The following SLIT2 variants were observed in gnomAD, a reference collection of about 807,000 sequenced individuals.
SLIT2 encodes slit guidance ligand 2.
SLIT2 carries 41 observed loss-of-function variants against 185.7 expected under a neutral mutation model. The ratio of observed to expected loss-of-function variants is 0.22; its 90% CI spans 0.17 to 0.29. SLIT2 has a LOEUF of 0.29. Among genes scored for constraint, SLIT2 ranks in the 10% least tolerant of loss-of-function variants. The pLI, the probability that SLIT2 is intolerant of heterozygous loss-of-function variation, is 1.00. For synonymous variants in SLIT2, 693 were observed against 680.2 expected (o/e 1.02, Z -0.29); for missense variants, 1,571 against 1,909.0 (o/e 0.82, Z 3.30).
chr4:20,607,784 G>T (rs1449536398), intron 33 of SLIT2, among the ~76,000 whole-genome samples: 1 of 152,086 alleles, frequency 6.6e-6, no homozygotes, highest in Non-Finnish European at 1.5e-5. Context: ...ATTTTAAAGA[G>T]AAATGGGGGG....
At chr4:20,421,984 G>A (rs1177517984) in intron 4 of SLIT2, among the ~76,000 whole-genome samples, 5 of 152,108 alleles carry the variant, frequency 3.3e-5, no homozygotes, top group Non-Finnish European at 7.4e-5. Context: ...ATGCATGGAC[G>A]GAACACCTCC....
intron 5 of SLIT2, among the ~76,000 whole-genome samples, chr4:20,475,611 G>A (rs1032292711): frequency 1.1e-4 from 16 of 152,034 alleles, no homozygotes; most frequent in Non-Finnish European, 2.1e-4. Flanking sequence ...CTCAAAATCC[G>A]GATGATGCTA....
Position 20,519,445 on chromosome 4 carries a change from A to C in SLIT2, c.1122A>C (p.Leu374Phe). 6.4e-7 allele frequency: 1 copy of C among 1,566,946 alleles called. No homozygotes were observed. Among genetic ancestry groups the C allele is most frequent in the Non-Finnish European group, 8.8e-7 (1 of 1,137,874 alleles). Residue 374 changes from leucine (L) to phenylalanine (F), a missense_variant, in exon 12 of 37, where the codon TTA becomes TTC. Physicochemically the swap from Leu to Phe is conservative, Grantham distance 22. This residue lies in a region of SLIT2 where 1,202 missense variants were observed against 1,416.4 expected (regional missense o/e 0.85). Transcript: ENST00000504154. ...GTTTATTTGAAGGACTGTTTTCCTTACAGCTCCTGTAAGTATTTGATTGTT... is the reference window on the plus strand; with the variant it reads ...GTTTATTTGAAGGACTGTTTTCCTTCCAGCTCCTGTAAGTATTTGATTGTT... Reference protein sequence around the residue: ...PKSLFEGLFSLQLLLLNANKI... With the variant: ...PKSLFEGLFSFQLLLLNANKI...
At chr4:20,608,351 A>G (rs1728948154) in intron 33 of SLIT2, among the ~76,000 whole-genome samples, 1 of 152,176 alleles carries the variant, frequency 6.6e-6, no homozygotes, top group South Asian at 2.1e-4. Context: ...ATGCTTAACC[A>G]TTAGCCAATG....
intron 4 of SLIT2, among the ~76,000 whole-genome samples, chr4:20,350,649 G>A (rs1430339144): frequency 6.6e-6 from 1 of 152,122 alleles, no homozygotes; most frequent in Non-Finnish European, 1.5e-5. Context: ...ATGGAAGCTA[G>A]TAACAATTGT....
intron 26 of SLIT2, among the ~76,000 whole-genome samples, chr4:20,566,559 A>T (rs1358451090): frequency 6.6e-6 from 1 of 152,098 alleles, no homozygotes; most frequent in Non-Finnish European, 1.5e-5. Flanking sequence ...CTCCCAAAAC[A>T]TGATTTTGCA....
intron 4 of SLIT2, among the ~76,000 whole-genome samples, chr4:20,435,735 A>T (rs968319071): frequency 6.6e-6 from 1 of 152,228 alleles, no homozygotes; most frequent in Non-Finnish European, 1.5e-5. Context: ...CTCTAGCTAG[A>T]TCAGAGCATT....
At chr4:20,354,356 T>G (rs1475179535) in intron 4 of SLIT2, among the ~76,000 whole-genome samples, 1 of 152,120 alleles carries the variant, frequency 6.6e-6, no homozygotes, top group East Asian at 1.9e-4. Flanking sequence ...CAGATGGCAG[T>G]GACATTTGAG....
At chr4:20,441,313 A>G (rs1397256027) in intron 4 of SLIT2, among the ~76,000 whole-genome samples, 1 of 152,182 alleles carries the variant, frequency 6.6e-6, no homozygotes, top group African/African-American at 2.4e-5. Flanking sequence ...TTTTCTTAAC[A>G]TCAAATCTTT....
In SLIT2 at chr4:20,472,598, C is replaced by CAATATA. The variant is rs1243899697; in HGVS notation, c.467+4775_467+4776insAATATA. Among the ~76,000 whole-genome samples the CAATATA allele has an allele frequency of 1.3e-3, 10 of 7,780 alleles. 4 individuals are homozygous for CAATATA. Among genetic ancestry groups the CAATATA allele is most frequent in the African/African-American group, 6.0e-3 (10 of 1,670 alleles). The allele number at this position is 7,780 out of a possible 152,430, so 5.1% of individuals were successfully genotyped here. ...GATATATCTATATATAGATATATAT[C>CAATATA]TATAGATATATCTATATATATCGAT... On this transcript the variant is annotated intron_variant, in intron 5 of 36. Transcript: ENST00000504154.
chr4:20,359,710 G>A (rs1218144512), intron 4 of SLIT2, among the ~76,000 whole-genome samples: 1 of 152,052 alleles, frequency 6.6e-6, no homozygotes, highest in African/African-American at 2.4e-5. Flanking sequence ...GCCAGTGGCT[G>A]CCACACAAGA....
chr4:20,427,670 C>CTT (rs909558402), intron 4 of SLIT2, among the ~76,000 whole-genome samples: 12 of 126,726 alleles, frequency 9.5e-5, no homozygotes, highest in African/African-American at 2.5e-4. Context: ...AATTTGCATT[C>CTT]TTTTTTTTTT....
At chr4:20,600,802 A>C (rs1352400010) in intron 33 of SLIT2, among the ~76,000 whole-genome samples, 1 of 152,046 alleles carries the variant, frequency 6.6e-6, no homozygotes, top group Non-Finnish European at 1.5e-5. Flanking sequence ...TGACCAAAAA[A>C]ATTTTCTTGA....
intron 4 of SLIT2, among the ~76,000 whole-genome samples, chr4:20,277,454 ACTT>A (rs1483827482): frequency 2.6e-5 from 4 of 151,874 alleles, no homozygotes; most frequent in Non-Finnish European, 4.4e-5. Flanking sequence ...ATTGGACACT[ACTT>A]TTGTGTAAAC....
intron 4 of SLIT2, among the ~76,000 whole-genome samples, chr4:20,319,793 C>T (rs1436999586): frequency 7.3e-6 from 1 of 137,750 alleles, no homozygotes; most frequent in African/African-American, 2.6e-5. Context: ...GGCTTTGGGC[C>T]AGCACTAAAA....
At position 20,528,928 on chromosome 4, in the gene SLIT2, T is replaced by C. The variant is rs1266094351; in HGVS notation, c.1463-21T>C. Reference sequence around the variant, plus strand: ...TAACCTTTAGACTCAGTATCTTTTTTTTGGTTTGAATTCTCAATAGGTACA... The same window carrying C: ...TAACCTTTAGACTCAGTATCTTTTTCTTGGTTTGAATTCTCAATAGGTACA... On this transcript the variant is annotated intron_variant, in intron 15 of 36. Transcript: ENST00000504154. This position sits in a 1 kb window ranked among gnomAD's most constrained non-coding sequence, Gnocchi z 4.2. The C allele has an allele frequency of 6.3e-7, 1 of 1,590,326 alleles. No homozygotes were observed. Among genetic ancestry groups the C allele is most frequent in the Non-Finnish European group, 8.6e-7 (1 of 1,164,660 alleles).
At chr4:20,369,324 G>A (rs1423923044) in intron 4 of SLIT2, among the ~76,000 whole-genome samples, 1 of 152,008 alleles carries the variant, frequency 6.6e-6, no homozygotes, top group Non-Finnish European at 1.5e-5. Flanking sequence ...TGCTGTTGAG[G>A]CAGAGGTTCC....
rs562097892 is a variant in SLIT2 at position 20,510,638 on chromosome 4, T to A, written c.986+72T>A. On this transcript the variant is annotated intron_variant, in intron 10 of 36. Transcript: ENST00000504154. The stretch of plus-strand genomic sequence containing the variant: ...AGGTCATGAGACCATGCAAAGAAAC[T>A]TAAGTATGAGTATATAAGTGTTTGA... 5.4e-6 allele frequency: 5 copies of A among 929,698 alleles called. No homozygotes were observed. In the African/African-American group the frequency reaches 8.3e-5, roughly 15 times the overall value. 57.6% of individuals were successfully genotyped at this position (929,698 alleles called of 1,614,324 possible).
chr4:20,449,134 A>G (rs910484466), intron 4 of SLIT2, among the ~76,000 whole-genome samples: 11 of 152,182 alleles, frequency 7.2e-5, no homozygotes, highest in Non-Finnish European at 1.5e-4. Flanking sequence ...AAAACAATTA[A>G]ATCAATTGTT....
Sources: allele counts gnomAD v4.1 joint callset (sites outside exome capture counted in the v4.1 genomes callset), GRCh38; gene constraint gnomAD v4.1.1; regional missense constraint gnomAD v4.1.1; non-coding constraint Gnocchi (gnomAD v3.1); transcripts MANE v1.5; gene names NCBI Gene and HGNC (gene_info 2026-07-23, HGNC 2026-07-21).